ACOX2: variants seen among roughly 807,000 people sequenced by gnomAD.
ACOX2 encodes peroxisomal acyl-coenzyme A oxidase 2.
Under a neutral mutation model 77.5 loss-of-function variants are expected in ACOX2, and 59 were observed. That is an observed-to-expected ratio of 0.76 (90% CI 0.62 to 0.95). ACOX2 has a LOEUF of 0.95. ACOX2 is among the 40% of genes least tolerant of loss of function. ACOX2 has a pLI of 0.00. For synonymous variants in ACOX2, 317 were observed against 340.1 expected (o/e 0.93, Z 0.75); for missense variants, 837 against 880.4 (o/e 0.95, Z 0.62).
Position 58,526,557 on chromosome 3 carries a change from T to C in ACOX2, c.1255A>G (p.Lys419Glu), listed in dbSNP as rs759114027. 3 of 1,614,212 alleles carry C rather than the reference T, an allele frequency of 1.9e-6. No individual in the cohort carries two copies. Among genetic ancestry groups the C allele is most frequent in the South Asian group, 2.2e-5 (2 of 91,086 alleles). ...ACCAGTGATGGCAGGCCACTCAGCT[T>C]TGAGTAGCCATGTCCGCCACAGGCC... ...RRACGGHGYS[K>E]LSGLPSLVTK... Residue 419 changes from lysine to glutamate, a missense_variant, in exon 10 of 15, where the codon AAG becomes GAG. Coordinates refer to ENST00000302819, the MANE Select transcript of ACOX2 (RefSeq NM_003500.4). The surrounding 1 kb of genome is among the most constrained non-coding windows in gnomAD (Gnocchi z 4.3).
In ACOX2 at chr3:58,512,601, G is replaced by A. The variant is rs1185944091; in HGVS notation, c.1851-3576C>T. On this transcript the variant is annotated intron_variant, in intron 13 of 14. Transcript: ENST00000302819. This position sits in a 1 kb window ranked among gnomAD's most constrained non-coding sequence, Gnocchi z 4.8. The stretch of plus-strand genomic sequence containing the variant: ...CTCCCTTAACTCTCTGCCCTCTGCC[G>A]TCATTTTCCACCGCAGTCATGCCAT... Among the ~76,000 whole-genome samples, 3 of 152,008 alleles carry A rather than the reference G, an allele frequency of 2.0e-5. No homozygotes were observed. Among genetic ancestry groups the A allele is most frequent in the South Asian group, 4.2e-4 (2 of 4,814 alleles).
At chr3:58,507,955 C>G (rs548825504) in intron 14 of ACOX2, among the ~76,000 whole-genome samples, 2 of 152,270 alleles carry the variant, frequency 1.3e-5, no homozygotes, top group East Asian at 3.9e-4. Flanking sequence ...GACACCTTTT[C>G]TGAAATTGGA....
intron 14 of ACOX2, 98 bp downstream of exon 14, chr3:58,508,795 A>T: frequency 1.3e-6 from 2 of 1,486,154 alleles, no homozygotes; most frequent in South Asian, 1.3e-5. Context: ...GTGATTGCCA[A>T]CCTAACGGGA....
rs1007386282 is a variant in ACOX2 at position 58,515,385 on chromosome 3, T to C, written c.1850+1821A>G. ...GCTATGAGTAGTCATAAAGGGCATG[T>C]AACATATTGCATATTGTGAGAAATA... is the stretch of plus-strand genomic sequence containing the variant. On this transcript the variant is annotated intron_variant, in intron 13 of 14. Transcript: ENST00000302819. The surrounding 1 kb of genome is among the most constrained non-coding windows in gnomAD (Gnocchi z 4.0). 3.3e-5 allele frequency among the ~76,000 whole-genome samples: 5 copies of C among 152,230 alleles called. No homozygotes were observed. Among genetic ancestry groups the C allele is most frequent in the African/African-American group, 1.2e-4 (5 of 41,458 alleles).
rs2063387455 is a variant in ACOX2 at position 58,525,437 on chromosome 3, A to T, written c.1347-832T>A. On this transcript the variant is annotated intron_variant, in intron 10 of 14. Transcript: ENST00000302819. This position sits in a 1 kb window ranked among gnomAD's most constrained non-coding sequence, Gnocchi z 5.0. ...TCGGCCTCCAGGGCCCACAGACCTA[A>T]GAGGGATGAAAAGAAATCGCCTGTG... is the stretch of plus-strand genomic sequence containing the variant. Among the ~76,000 whole-genome samples the T allele has an allele frequency of 6.6e-6, 1 of 152,220 alleles. No individual in the cohort carries two copies. Among genetic ancestry groups the T allele is most frequent in the Admixed American group, 6.5e-5 (1 of 15,280 alleles).
In ACOX2 at chr3:58,522,555, C is replaced by A. The variant is rs759243203; in HGVS notation, c.1573G>T (p.Gly525Ter). Residue 525 changes from glycine to a stop codon, truncating the protein, a stop_gained, in exon 12 of 15, where the codon GGA becomes TGA. Coordinates refer to ENST00000302819, the MANE Select transcript of ACOX2 (RefSeq NM_003500.4). LOFTEE classifies it high-confidence loss of function. This position sits in a 1 kb window ranked among gnomAD's most constrained non-coding sequence, Gnocchi z 4.3. ...TTCCAAGCCTCGTGCTGGTCAGCTC[C>A]GGATTGCGTCAGGGTCTGTAAATGC... ...VQHLQTLTQS[G>*]ADQHEAWNQT... 6.2e-7 allele frequency: 1 copy of A among 1,614,020 alleles called. No homozygotes were observed. Among genetic ancestry groups the A allele is most frequent in the African/African-American group, 1.3e-5 (1 of 74,898 alleles).
intron 13 of ACOX2, 44 bp from the exon 14 acceptor site, chr3:58,509,069 T>C (rs781216574): frequency 1.2e-6 from 2 of 1,603,304 alleles, no homozygotes; most frequent in Non-Finnish European, 1.7e-6. Context: ...AGATTGCTCT[T>C]ATGAATCAAA....
intron 1 of ACOX2, among the ~76,000 whole-genome samples, chr3:58,536,865 A>G (rs1159183327): frequency 1.3e-5 from 2 of 151,942 alleles, no homozygotes; most frequent in Admixed American, 1.3e-4. Context: ...CTGACATTTG[A>G]GATCATTTAC....
In ACOX2 at chr3:58,521,717, G is replaced by A. The variant is rs576402248; in HGVS notation, c.1632+779C>T. Among the ~76,000 whole-genome samples the A allele has an allele frequency of 1.3e-5, 2 of 152,256 alleles. No homozygotes were observed. The highest frequency in any genetic ancestry group is 3.9e-4 in the East Asian group (2 of 5,182). On this transcript the variant is annotated intron_variant, in intron 12 of 14. Transcript: ENST00000302819. This position sits in a 1 kb window ranked among gnomAD's most constrained non-coding sequence, Gnocchi z 4.8. ...AACAAAACCCCAACTTTTCACAGTG[G>A]TGCAAAAGGTCAGAGGCCTTGCCTG...
rs1453976346 is a variant in ACOX2, at chr3:58,533,835, C to A, written c.475+159G>T. On this transcript the variant is annotated intron_variant, in intron 4 of 14. Transcript: ENST00000302819. The surrounding 1 kb of genome is among the most constrained non-coding windows in gnomAD (Gnocchi z 5.6). Reference sequence around the variant, plus strand: ...AATACGTGCAAATTAGAAGGTGGCACCCCTTCCTCAGGACCCTTGACTGCC... The same window carrying A: ...AATACGTGCAAATTAGAAGGTGGCAACCCTTCCTCAGGACCCTTGACTGCC... 6 of 963,862 alleles carry A rather than the reference C, an allele frequency of 6.2e-6. No homozygotes were observed. Among genetic ancestry groups the A allele is most frequent in the Non-Finnish European group, 9.1e-6 (6 of 661,992 alleles). The allele number at this position is 963,862 out of a possible 1,614,324, so 59.7% of individuals were successfully genotyped here. A position where few individuals can be genotyped will look rare whatever the true frequency, so the allele number is the denominator to read the frequency against.
chr3:58,508,801 CGGGAATCAATTAAAAT>C, intron 14 of ACOX2, 76 bp downstream of exon 14: 1 of 1,509,284 alleles, frequency 6.6e-7, no homozygotes, highest in East Asian at 2.3e-5. Flanking sequence ...GCCAACCTAA[CGGGAATCAATTAAAAT>C]GGGAGAACAT....
intron 13 of ACOX2, chr3:58,511,117 A>G: frequency 2.2e-6 from 1 of 454,134 alleles, no homozygotes; most frequent in East Asian, 7.0e-5. Flanking sequence ...TATACATACA[A>G]TGCTTTCTCT....
At chr3:58,511,827 T>C (rs1309577553) in intron 13 of ACOX2, among the ~76,000 whole-genome samples, 3 of 152,234 alleles carry the variant, frequency 2.0e-5, no homozygotes, top group African/African-American at 7.2e-5. Context: ...GTTATGTGTG[T>C]TTATGCTTAT....
In ACOX2 at chr3:58,531,100, T is replaced by C; in HGVS notation, c.819+151A>G. The C allele has an allele frequency of 1.5e-6, 1 of 672,502 alleles. No individual in the cohort carries two copies. Among genetic ancestry groups the C allele is most frequent in the Admixed American group, 3.0e-5 (1 of 33,824 alleles). The allele number at this position is 672,502 out of a possible 1,614,324, so 41.7% of individuals were successfully genotyped here. On this transcript the variant is annotated intron_variant, in intron 7 of 14. Coordinates refer to ENST00000302819, the MANE Select transcript of ACOX2 (RefSeq NM_003500.4). The surrounding 1 kb of genome is among the most constrained non-coding windows in gnomAD (Gnocchi z 5.8). ...ATCATACTGCTCCTAAGCAGGGGTT[T>C]CACCCCAATCTGTGGGATATCAGAG...
rs1454364799 is a variant in ACOX2, at chr3:58,512,682, G to C, written c.1851-3657C>G. Among the ~76,000 whole-genome samples the C allele has an allele frequency of 6.6e-6, 1 of 152,106 alleles. No individual in the cohort carries two copies. Among genetic ancestry groups the C allele is most frequent in the African/African-American group, 2.4e-5 (1 of 41,422 alleles). ...TGGATGGATATGCCAAGCACACTCT[G>C]GTCTCCAACATTTGTACTGTCATGC... is the stretch of plus-strand genomic sequence containing the variant. On this transcript the variant is annotated intron_variant, in intron 13 of 14. Coordinates refer to ENST00000302819, the MANE Select transcript of ACOX2 (RefSeq NM_003500.4). This position sits in a 1 kb window ranked among gnomAD's most constrained non-coding sequence, Gnocchi z 4.8.
intron 14 of ACOX2, 46 bp downstream of exon 14, chr3:58,508,847 G>C (rs755576932): frequency 6.2e-7 from 1 of 1,607,114 alleles, no homozygotes; most frequent in East Asian, 2.2e-5. Context: ...TTCACTGCCT[G>C]TTCTCTGCTT....
intron 5 of ACOX2, among the ~76,000 whole-genome samples, chr3:58,532,025 C>T (rs2063444145): frequency 1.3e-5 from 2 of 151,644 alleles, no homozygotes; most frequent in South Asian, 4.2e-4. Context: ...TTTTTTTGCC[C>T]CCCCCAACTA....
chr3:58,507,429 T>C (rs1201442884), intron 14 of ACOX2, among the ~76,000 whole-genome samples: 1 of 152,234 alleles, frequency 6.6e-6, no homozygotes, highest in African/African-American at 2.4e-5. Context: ...CAGATTAAAG[T>C]CTTTTAAAAT....
At position 58,514,933 on chromosome 3, in the gene ACOX2, A is replaced by G. The variant is rs1233500911; in HGVS notation, c.1850+2273T>C. On this transcript the variant is annotated intron_variant, in intron 13 of 14. Transcript: ENST00000302819. This position sits in a 1 kb window ranked among gnomAD's most constrained non-coding sequence, Gnocchi z 4.3. ...AATTATGCTCTTAATAGTTTTCACC[A>G]CTGGATTCCCTGTATTAGGGAAAGT... Among the ~76,000 whole-genome samples, 1 of 152,220 alleles carries G rather than the reference A, an allele frequency of 6.6e-6. No individual in the cohort carries two copies. Among genetic ancestry groups the G allele is most frequent in the African/African-American group, 2.4e-5 (1 of 41,454 alleles).
Sources: allele counts gnomAD v4.1 joint callset (sites outside exome capture counted in the v4.1 genomes callset), GRCh38; gene constraint gnomAD v4.1.1; non-coding constraint Gnocchi (gnomAD v3.1); transcripts MANE v1.5; gene names NCBI Gene and HGNC (gene_info 2026-07-23, HGNC 2026-07-21).